Variants in GRIA4 observed in about 807,000 individuals in gnomAD.
GRIA4 encodes glutamate receptor 4.
GRIA4 carries 34 observed loss-of-function variants against 104.0 expected under a neutral mutation model. The observed-to-expected ratio is 0.33, with a 90% confidence interval of 0.25 to 0.44. GRIA4 has a LOEUF of 0.44. Ranked by LOEUF, GRIA4 falls within the 20% of genes least tolerant of loss-of-function variation. GRIA4 has a pLI of 1.00. For missense variants in GRIA4, 750 were observed against 1,096.5 expected, an observed-to-expected ratio of 0.68 and a Z score of 4.46; for synonymous variants, 386 against 381.9, an observed-to-expected ratio of 1.01 and a Z score of -0.13.
chr11:105,946,953 C>T (rs994496928), intron 14 of GRIA4, among the ~76,000 whole-genome samples: 2 of 152,172 alleles, frequency 1.3e-5, no homozygotes, highest in Non-Finnish European at 2.9e-5. Context: ...CCTTGCAAAT[C>T]CTTAAAGTTG....
At chr11:105,828,867 G>A (rs1237989625) in intron 4 of GRIA4, among the ~76,000 whole-genome samples, 2 of 151,954 alleles carry the variant, frequency 1.3e-5, no homozygotes, top group Non-Finnish European at 2.9e-5. Flanking sequence ...CTTTTGACAT[G>A]AGTTTCCTAT....
intron 4 of GRIA4, among the ~76,000 whole-genome samples, chr11:105,825,108 C>T (rs1012667989): frequency 1.3e-4 from 20 of 151,970 alleles, no homozygotes; most frequent in African/African-American, 4.6e-4. Context: ...TTCCAAGTGT[C>T]GAACCAAAAA....
chr11:105,884,526 G>A (rs1946182494), intron 5 of GRIA4, among the ~76,000 whole-genome samples: 1 of 152,166 alleles, frequency 6.6e-6, no homozygotes, highest in Non-Finnish European at 1.5e-5. Context: ...GAACTTCACA[G>A]CGTTTGTGCA....
At chr11:105,787,325 G>A (rs942359818) in intron 4 of GRIA4, among the ~76,000 whole-genome samples, 6 of 151,978 alleles carry the variant, frequency 3.9e-5, no homozygotes, top group Non-Finnish European at 5.9e-5. Flanking sequence ...TACTGTTTAG[G>A]TAAAGGCTGT....
At chr11:105,758,655 T>C (rs1043527503) in intron 4 of GRIA4, among the ~76,000 whole-genome samples, 1 of 152,184 alleles carries the variant, frequency 6.6e-6, no homozygotes, top group Non-Finnish European at 1.5e-5. Flanking sequence ...AATGATAATG[T>C]ACAATTAAGG....
chr11:105,933,000 A>T (rs533392137), intron 13 of GRIA4, among the ~76,000 whole-genome samples: 1 of 152,166 alleles, frequency 6.6e-6, no homozygotes, highest in Non-Finnish European at 1.5e-5. Context: ...GCACTTTGGG[A>T]GGCTGAGGCA....
intron 3 of GRIA4, among the ~76,000 whole-genome samples, chr11:105,628,539 CG>C (rs1950948248): frequency 6.6e-6 from 1 of 152,048 alleles, no homozygotes; most frequent in East Asian, 1.9e-4. Context: ...TCTCTTTGCT[CG>C]GCACTTCTCT....
rs190712262 is a variant in GRIA4 at position 105,750,274 on chromosome 11, A to G, written c.248-2707A>G. On this transcript the variant is annotated intron_variant, in intron 3 of 16. Coordinates refer to ENST00000282499, the MANE Select transcript of GRIA4 (RefSeq NM_000829.4). The stretch of plus-strand genomic sequence containing the variant: ...ACATTGAATATTTGCCTGACAATCT[A>G]TCCTCACACACACAAAACCCAATAA... Among the ~76,000 whole-genome samples the G allele has an allele frequency of 2.9e-3, 438 of 152,286 alleles. 6 individuals are homozygous for G. The highest frequency in any genetic ancestry group is 0.01 in the African/African-American group (420 of 41,574).
At chr11:105,946,903 T>C (rs1948328642) in intron 14 of GRIA4, among the ~76,000 whole-genome samples, 1 of 152,200 alleles carries the variant, frequency 6.6e-6, no homozygotes, top group Non-Finnish European at 1.5e-5. Context: ...CGTCTTCCAG[T>C]AATACAGGTC....
At position 105,912,206 on chromosome 11, in the gene GRIA4, AT is replaced by A. The variant is rs529278361; in HGVS notation, c.1269+1662del. 8.5e-4 allele frequency: 843 copies of A among 995,866 alleles called. 4 individuals are homozygous for A. The African/African-American group carries it at 0.013, about 15-fold the overall frequency. 61.7% of individuals were successfully genotyped at this position (995,866 alleles called of 1,614,324 possible). A position where few individuals can be genotyped will look rare whatever the true frequency, so the allele number is the denominator to read the frequency against. ...GTCACTGTATGTAAATGATGGAATT[AT>A]ATCACTCCATTTCCAAGGGTAGATT... On this transcript the variant is annotated intron_variant, in intron 10 of 16. Coordinates refer to ENST00000282499, the MANE Select transcript of GRIA4 (RefSeq NM_000829.4).
chr11:105,705,048 C>T (rs495498), intron 3 of GRIA4, among the ~76,000 whole-genome samples: 104,762 of 151,978 alleles, frequency 0.69, 36,466 homozygotes, highest in African/African-American at 0.79. Context: ...AATGTGGTAA[C>T]GGCACAATAA....
intron 3 of GRIA4, among the ~76,000 whole-genome samples, chr11:105,685,131 AAGGG>A (rs1202592339): frequency 1.7e-4 from 23 of 135,342 alleles, no homozygotes; most frequent in African/African-American, 5.6e-4. Flanking sequence ...GGAAGGAAAG[AAGGG>A]AGGGAGGGAG....
chr11:105,950,317 G>A (rs1395592258), intron 14 of GRIA4, among the ~76,000 whole-genome samples: 5 of 152,156 alleles, frequency 3.3e-5, no homozygotes, highest in African/African-American at 4.8e-5. Context: ...CATAAAAACA[G>A]TTCTTAATGG....
chr11:105,794,621 G>T (rs370780940), intron 4 of GRIA4, among the ~76,000 whole-genome samples: 2 of 147,556 alleles, frequency 1.4e-5, no homozygotes, highest in South Asian at 2.1e-4. Context: ...TATATAGAGA[G>T]AGAGAGTTAT....
At chr11:105,670,965 G>A (rs918583597) in intron 3 of GRIA4, among the ~76,000 whole-genome samples, 2 of 152,008 alleles carry the variant, frequency 1.3e-5, no homozygotes, top group Non-Finnish European at 2.9e-5. Context: ...CTACCTCATT[G>A]CTTGGCTTGT....
At chr11:105,647,753 T>C (rs1005845526) in intron 3 of GRIA4, among the ~76,000 whole-genome samples, 3 of 152,064 alleles carry the variant, frequency 2.0e-5, no homozygotes, top group Admixed American at 1.3e-4. Context: ...TGAGAGCACA[T>C]GGACACATAA....
At chr11:105,865,380 GC>G (rs1479999579) in intron 5 of GRIA4, among the ~76,000 whole-genome samples, 1 of 152,088 alleles carries the variant, frequency 6.6e-6, no homozygotes, top group Non-Finnish European at 1.5e-5. Context: ...GCAGAAACAA[GC>G]CTTGAAAAGA....
intron 6 of GRIA4, among the ~76,000 whole-genome samples, chr11:105,891,528 C>T (rs1202243073): frequency 6.6e-6 from 1 of 152,152 alleles, no homozygotes; most frequent in African/African-American, 2.4e-5. Flanking sequence ...ACTATCCCTT[C>T]TTCAGACCAA....
chr11:105,693,899 T>C (rs569522604), intron 3 of GRIA4, among the ~76,000 whole-genome samples: 5 of 152,296 alleles, frequency 3.3e-5, no homozygotes, highest in African/African-American at 9.6e-5. Context: ...GTAGTTATGA[T>C]TGTATGACTC....
Sources: allele counts gnomAD v4.1 joint callset (sites outside exome capture counted in the v4.1 genomes callset), GRCh38; gene constraint gnomAD v4.1.1; transcripts MANE v1.5; gene names NCBI Gene and HGNC (gene_info 2026-07-23, HGNC 2026-07-21).